The following POGLUT2 variants were observed in gnomAD, a reference collection of about 807,000 sequenced individuals.
POGLUT2 encodes the protein protein O-glucosyltransferase 2.
A neutral mutation model predicts 57.6 loss-of-function variants in POGLUT2; 47 were observed. The ratio of observed to expected loss-of-function variants is 0.82; its 90% CI spans 0.65 to 1.04. POGLUT2 has a LOEUF of 1.04. POGLUT2 is among the 50% of genes least tolerant of loss of function. The pLI is 0.00. For missense variants in POGLUT2, 565 were observed against 614.8 expected (o/e 0.92, Z 0.86); for synonymous variants, 200 against 218.8 (o/e 0.91, Z 0.76).
In POGLUT2 at chr13:102,793,637, C is replaced by A. The variant is rs1878266865; in HGVS notation, c.558G>T (p.Arg186Ser). Residue 186 changes from arginine (R) to serine (S), a missense_variant, in exon 3 of 10, where the codon AGG becomes AGT. Coordinates refer to ENST00000376004, the MANE Select transcript of POGLUT2 (RefSeq NM_024089.3). ...TTAAGGTGTAGTGACATAGGCTCTG[C>A]CTCTGTCCAAATCTTTTTGGGATTT... ...AVEIPKRFGQRQSLCHYTLKD... is the reference protein window; with the variant it reads ...AVEIPKRFGQSQSLCHYTLKD... 2 of 1,613,974 alleles carry A rather than the reference C, an allele frequency of 1.2e-6. No homozygotes were observed. The highest frequency in any genetic ancestry group is 1.3e-5 in the African/African-American group (1 of 74,912).
At chr13:102,790,421 T>C (rs1225254867) in intron 6 of POGLUT2, among the ~76,000 whole-genome samples, 1 of 152,198 alleles carries the variant, frequency 6.6e-6, no homozygotes, top group African/African-American at 2.4e-5. Flanking sequence ...CCAGGAACCA[T>C]GCGGAATCCA....
intron 4 of POGLUT2, 106 bp from the exon 5 acceptor site, chr13:102,791,536 A>G (rs1655738278): frequency 9.7e-7 from 1 of 1,033,298 alleles, no homozygotes; most frequent in African/African-American, 1.6e-5. Context: ...CCAATGTTAC[A>G]TGTTTCAGGT....
At chr13:102,790,441 C>G (rs551135479) in intron 6 of POGLUT2, among the ~76,000 whole-genome samples, 8 of 152,296 alleles carry the variant, frequency 5.3e-5, no homozygotes, top group African/African-American at 1.9e-4. Flanking sequence ...ACATTCTAGA[C>G]AGAGAAAGCA....
chr13:102,795,238 G>A (rs372537344), intron 2 of POGLUT2, among the ~76,000 whole-genome samples: 101 of 121,422 alleles, frequency 8.3e-4, no homozygotes, highest in African/African-American at 3.0e-3. Flanking sequence ...GTGACAGAGC[G>A]AGACATCGTC....
rs1273131744 is a variant in POGLUT2 at position 102,798,529 on chromosome 13, G to T, written c.142C>A (p.Arg48Ser). 6.2e-7 allele frequency: 1 copy of T among 1,612,240 alleles called. No homozygotes were observed. The highest frequency in any genetic ancestry group is 8.5e-7 in the Non-Finnish European group (1 of 1,179,138). The change falls in exon 1 of 10, where the codon CGC becomes AGC. Residue 48 changes from arginine to serine, a missense_variant. Transcript: ENST00000376004. ...TCCACTGCCTGAATATAGAAATAGC[G>T]GGCGGGAAGGACGACGTCTGCTTTT... ...GLKADVVLPA[R>S]YFYIQAVDTS...
chr13:102,791,005 G>A lies in POGLUT2; in HGVS notation c.979C>T (p.Pro327Ser). The A allele has an allele frequency of 6.2e-7, 1 of 1,614,082 alleles. No individual in the cohort carries two copies. Among genetic ancestry groups the A allele is most frequent in the Non-Finnish European group, 8.5e-7 (1 of 1,179,930 alleles). ...LELVKLSRKH[P>S]ELIDAAFTNF... ...GTGAAAGCAGCGTCTATGAGTTCTG[G>A]GTGTTTTCTACTGAGTTTAACCAGC... Residue 327 changes from proline to serine, a missense_variant, in exon 6 of 10, where the codon CCA becomes TCA. Physicochemically the swap from Pro to Ser is moderately conservative, Grantham distance 74. Coordinates refer to ENST00000376004, the MANE Select transcript of POGLUT2 (RefSeq NM_024089.3).
At chr13:102,797,760 C>G (rs1238517128) in intron 1 of POGLUT2, among the ~76,000 whole-genome samples, 1 of 151,852 alleles carries the variant, frequency 6.6e-6, no homozygotes, top group African/African-American at 2.4e-5. Context: ...AAAACTCACG[C>G]TCAGCCATGG....
At chr13:102,796,692 AAAAAAAAAT>A in intron 2 of POGLUT2, 103 bp downstream of exon 2, 1 of 151,816 alleles carries the variant, frequency 6.6e-6, no homozygotes, top group East Asian at 1.3e-4. Context: ...GTAAAAAAAA[AAAAAAAAAT>A]ATATATATAT....
rs1878558416 is a variant in POGLUT2, at chr13:102,798,806, G to A, written c.-136C>T. The A allele has an allele frequency of 2.2e-6, 2 of 914,130 alleles. No homozygotes were observed. Among genetic ancestry groups the A allele is most frequent in the East Asian group, 2.9e-5 (1 of 34,628 alleles). The allele number at this position is 914,130 out of a possible 1,614,324, so 56.6% of individuals were successfully genotyped here. ...GCGACTGCAAAGGTTGCCGCCCGGC[G>A]TGCAGGGCAGGCGCGCGGGTCTCCG... On this transcript the variant is annotated 5_prime_UTR_variant, in exon 1 of 10. It adds an upstream start codon to the 5' untranslated region. Coordinates refer to ENST00000376004, the MANE Select transcript of POGLUT2 (RefSeq NM_024089.3).
chr13:102,785,702 A>T (rs1877913869), intron 9 of POGLUT2, among the ~76,000 whole-genome samples: 1 of 152,210 alleles, frequency 6.6e-6, no homozygotes, highest in African/African-American at 2.4e-5. Flanking sequence ...GAAGGCATTT[A>T]CTGGATGACT....
chr13:102,788,913 C>T (rs767564450), intron 7 of POGLUT2, 99 bp downstream of exon 7: 53 of 1,050,706 alleles, frequency 5.0e-5, no homozygotes, highest in Non-Finnish European at 7.0e-5. Flanking sequence ...AAGTCTATTA[C>T]GTGAACATCC....
At position 102,784,353 on chromosome 13, in the gene POGLUT2, C is replaced by T. The variant is rs1421026433; in HGVS notation, c.*142G>A. The T allele has an allele frequency of 1.7e-6, 1 of 600,126 alleles. No individual in the cohort carries two copies. Among genetic ancestry groups the T allele is most frequent in the Non-Finnish European group, 3.0e-6 (1 of 329,478 alleles). 37.2% of individuals were successfully genotyped at this position (600,126 alleles called of 1,614,324 possible). On this transcript the variant is annotated 3_prime_UTR_variant, in exon 10 of 10. Coordinates refer to ENST00000376004, the MANE Select transcript of POGLUT2 (RefSeq NM_024089.3). ...TTAAAGTACAGTCATGAGAATACTGCATAAGTAGAAATGTGTCTTCATACT... is the reference window on the plus strand; with the variant it reads ...TTAAAGTACAGTCATGAGAATACTGTATAAGTAGAAATGTGTCTTCATACT...
At chr13:102,794,659 T>C (rs1371567612) in intron 2 of POGLUT2, among the ~76,000 whole-genome samples, 1 of 152,106 alleles carries the variant, frequency 6.6e-6, no homozygotes, top group Non-Finnish European at 1.5e-5. Flanking sequence ...AGTGAGACTC[T>C]TGTTTCAAAA....
chr13:102,791,950 A>G lies in POGLUT2; in HGVS notation c.673-520T>C, dbSNP rs1348285185. 3 of 1,259,340 alleles carry G rather than the reference A, an allele frequency of 2.4e-6. No homozygotes were observed. In the African/African-American group the frequency reaches 4.6e-5, roughly 19 times the overall value. 78.0% of individuals were successfully genotyped at this position (1,259,340 alleles called of 1,614,324 possible). On this transcript the variant is annotated intron_variant, in intron 4 of 9. Transcript: ENST00000376004. ...GTCACAGAAAATGTTTAGAGTATTT[A>G]CAAAACAACAGATATACATTTTTAA...
chr13:102,784,407 C>T lies in POGLUT2; in HGVS notation c.*88G>A, dbSNP rs533421175. The T allele has an allele frequency of 2.4e-4, 189 of 771,812 alleles. No individual in the cohort carries two copies. Among genetic ancestry groups the T allele is most frequent in the Admixed American group, 4.8e-4 (21 of 43,682 alleles). 47.8% of individuals were successfully genotyped at this position (771,812 alleles called of 1,614,324 possible). Reference sequence around the variant, plus strand: ...AACAATCACACAGATTTTATATTGTCCATGGAATTAATACTTAAAAAAATT... The same window carrying T: ...AACAATCACACAGATTTTATATTGTTCATGGAATTAATACTTAAAAAAATT... On this transcript the variant is annotated 3_prime_UTR_variant, in exon 10 of 10. Transcript: ENST00000376004.
At chr13:102,785,920 G>T (rs564628772) in intron 9 of POGLUT2, among the ~76,000 whole-genome samples, 2 of 152,330 alleles carry the variant, frequency 1.3e-5, no homozygotes, top group Middle Eastern at 3.4e-3. Flanking sequence ...GGCATCAGAT[G>T]ATACACATGA....
chr13:102,797,698 C>T (rs1381949195), intron 1 of POGLUT2, among the ~76,000 whole-genome samples: 2 of 151,804 alleles, frequency 1.3e-5, no homozygotes, highest in Non-Finnish European at 2.9e-5. Flanking sequence ...GCTGTGATTG[C>T]ACCACTGCAC....
rs1595317530 is a variant in POGLUT2, at chr13:102,798,862, G to A, written c.-192C>T. On this transcript the variant is annotated 5_prime_UTR_variant, in exon 1 of 10. Transcript: ENST00000376004. Reference sequence around the variant, plus strand: ...CCAGGACAATCAAAGCCCGTGCCCCGGCGCGCCCAGGTGAGGGTCCCCTGG... The same window carrying A: ...CCAGGACAATCAAAGCCCGTGCCCCAGCGCGCCCAGGTGAGGGTCCCCTGG... 6.0e-6 allele frequency: 3 copies of A among 503,672 alleles called. No homozygotes were observed. Among genetic ancestry groups the A allele is most frequent in the South Asian group, 7.1e-5 (2 of 28,338 alleles). The allele number at this position is 503,672 out of a possible 1,614,324, so 31.2% of individuals were successfully genotyped here. A position where few individuals can be genotyped will look rare whatever the true frequency, so the allele number is the denominator to read the frequency against.
At position 102,793,373 on chromosome 13, in the gene POGLUT2, T is replaced by G; in HGVS notation, c.640A>C (p.Met214Leu). Residue 214 changes from methionine (M) to leucine (L), a missense_variant, in exon 4 of 10, where the codon ATG (methionine) becomes CTG (leucine). Physicochemically the swap from Met to Leu is conservative, Grantham distance 15 (BLOSUM62 2). Transcript: ENST00000376004. Reference protein sequence around the residue: ...HGEHVGFRIFMDAILLSLTRK... With the variant: ...HGEHVGFRIFLDAILLSLTRK... The stretch of plus-strand genomic sequence containing the variant: ...GTCAAAGAAAGTAGTATGGCATCCA[T>G]GAAAATTCTAAAACCTACATGTTCA... 6.3e-7 allele frequency: 1 copy of G among 1,586,498 alleles called. No individual in the cohort carries two copies. The highest frequency in any genetic ancestry group is 8.7e-7 in the Non-Finnish European group (1 of 1,155,208).
Sources: gnomAD v4.1 joint callset for allele counts (sites outside exome capture counted in the v4.1 genomes callset) on GRCh38, gnomAD v4.1.1 for gene constraint, MANE v1.5 for transcripts, NCBI Gene and HGNC (gene_info 2026-07-23, HGNC 2026-07-21) for gene names.